The following CSMD2 variants were observed in gnomAD, a reference collection of about 807,000 sequenced individuals.
The protein encoded by CSMD2 is CUB and Sushi multiple domains 2.
In CSMD2, 130 loss-of-function variants were observed where a neutral mutation model predicts 398.5. The observed-to-expected ratio is 0.33, with a 90% CI of 0.28 to 0.38. The LOEUF is 0.38. Among genes scored for constraint, CSMD2 ranks in the 10% least tolerant of loss-of-function variants. CSMD2 has a pLI of 1.00. For missense variants in CSMD2, 3,829 were observed against 4,764.9 expected, an observed-to-expected ratio of 0.80 and a Z score of 5.78; for synonymous variants, 1,828 against 1,908.5, an observed-to-expected ratio of 0.96 and a Z score of 1.10.
intron 13 of CSMD2, among the ~76,000 whole-genome samples, chr1:33,762,052 T>A (rs1649881238): frequency 6.6e-6 from 1 of 152,202 alleles, no homozygotes; most frequent in South Asian, 2.1e-4. Flanking sequence ...CCCAAGGCCC[T>A]CTTAGAAAGC....
intron 6 of CSMD2, among the ~76,000 whole-genome samples, chr1:33,834,292 C>T (rs1168097692): frequency 1.4e-5 from 1 of 69,394 alleles, no homozygotes. Context: ...GGTACTGGTA[C>T]CAAAACAGAG....
At chr1:33,652,527 C>T (rs1643816932) in intron 27 of CSMD2, 66 bp from the exon 28 acceptor site, 2 of 1,577,544 alleles carry the variant, frequency 1.3e-6, no homozygotes, top group Admixed American at 3.4e-5. Context: ...ATGGGTGTTG[C>T]TAATGCACTA....
At chr1:33,652,517 A>T in intron 27 of CSMD2, 56 bp from the exon 28 acceptor site, 2 of 1,598,660 alleles carry the variant, frequency 1.3e-6, no homozygotes, top group Non-Finnish European at 1.7e-6. Context: ...GCTCATTTTC[A>T]TGGGTGTTGC....
intron 15 of CSMD2, 74 bp from the exon 16 acceptor site, chr1:33,726,759 A>C (rs1446562521): frequency 8.2e-6 from 12 of 1,462,878 alleles, no homozygotes; most frequent in South Asian, 1.3e-5. Context: ...TCTCTCTATA[A>C]AATGTGTCAG....
intron 54 of CSMD2, among the ~76,000 whole-genome samples, chr1:33,558,762 CTG>C (rs759676367): frequency 1.3e-5 from 2 of 152,178 alleles, no homozygotes; most frequent in Non-Finnish European, 2.9e-5. Context: ...GGCTTCCTCT[CTG>C]TGTGTTTTCC....
intron 27 of CSMD2, among the ~76,000 whole-genome samples, chr1:33,657,341 G>A (rs1571114682): frequency 6.6e-6 from 1 of 152,166 alleles, no homozygotes; most frequent in East Asian, 1.9e-4. Context: ...GGGTGTGGTG[G>A]CACAGGCCTG....
At chr1:33,668,378 GC>G (rs1644383034) in intron 25 of CSMD2, among the ~76,000 whole-genome samples, 1 of 152,206 alleles carries the variant, frequency 6.6e-6, no homozygotes, top group African/African-American at 2.4e-5. Context: ...AAGAGTGGAT[GC>G]AGGGAAATTA....
At chr1:33,952,703 TGCACACACACAA>T (rs1323736769) in intron 3 of CSMD2, among the ~76,000 whole-genome samples, 2 of 136,264 alleles carry the variant, frequency 1.5e-5, no homozygotes, top group Non-Finnish European at 1.5e-5. Context: ...CACACACACA[TGCACACACACAA>T]ACATTTAAGC....
chr1:33,566,020 G>A (rs1386340745), intron 53 of CSMD2, among the ~76,000 whole-genome samples: 1 of 151,554 alleles, frequency 6.6e-6, no homozygotes, highest in Non-Finnish European at 1.5e-5. Flanking sequence ...AGATAAAGAG[G>A]TGAAAATAAT....
chr1:33,891,905 G>C (rs1320171906), intron 5 of CSMD2, among the ~76,000 whole-genome samples: 2 of 103,062 alleles, frequency 1.9e-5, no homozygotes, highest in African/African-American at 3.7e-5. Flanking sequence ...GTTGTGGGGT[G>C]GGGGGAGGGG....
At chr1:34,085,412 A>AATAT (rs1558359230) in intron 2 of CSMD2, among the ~76,000 whole-genome samples, 25 of 151,880 alleles carry the variant, frequency 1.6e-4, no homozygotes, top group African/African-American at 5.8e-4. Flanking sequence ...TAAATAAATA[A>AATAT]ATTGTACCCT....
chr1:33,949,153 T>G (rs921060761), intron 3 of CSMD2, among the ~76,000 whole-genome samples: 2 of 152,204 alleles, frequency 1.3e-5, no homozygotes, highest in African/African-American at 4.8e-5. Context: ...GCACCCAGCT[T>G]AGAGAGCTGT....
chr1:33,955,982 C>T (rs1645155731), intron 3 of CSMD2, among the ~76,000 whole-genome samples: 1 of 152,042 alleles, frequency 6.6e-6, no homozygotes, highest in African/African-American at 2.4e-5. Context: ...GAGCTCACAT[C>T]AAGGCTGGGG....
rs1354571214 is a variant in CSMD2 at position 33,537,821 on chromosome 1, A to G, written c.9632-212T>C. On this transcript the variant is annotated intron_variant, in intron 60 of 70. Coordinates refer to ENST00000373381, the MANE Select transcript of CSMD2 (RefSeq NM_001281956.2). The surrounding 1 kb of genome is among the most constrained non-coding windows in gnomAD (Gnocchi z 4.6). ...CCCTTCTACATTCAAAGTGCCTATT[A>G]ATAATGATCCAAGTAATGGAGTAAC... is the stretch of plus-strand genomic sequence containing the variant. Among the ~76,000 whole-genome samples, 3 of 152,240 alleles carry G rather than the reference A, an allele frequency of 2.0e-5. No individual in the cohort carries two copies.
intron 1 of CSMD2, among the ~76,000 whole-genome samples, chr1:34,133,614 G>A (rs949526984): frequency 2.6e-5 from 4 of 151,864 alleles, no homozygotes; most frequent in African/African-American, 9.7e-5. Flanking sequence ...TTGGGTGATA[G>A]AGCAAGACTC....
chr1:33,801,642 T>C (rs1278977253), intron 10 of CSMD2, among the ~76,000 whole-genome samples: 3 of 152,186 alleles, frequency 2.0e-5, no homozygotes. Context: ...GGGAAATAGA[T>C]TCTAAATGCA....
At chr1:33,829,588 A>G (rs1659246272) in intron 6 of CSMD2, among the ~76,000 whole-genome samples, 1 of 152,170 alleles carries the variant, frequency 6.6e-6, no homozygotes, top group Non-Finnish European at 1.5e-5. Flanking sequence ...GACGCAGAAG[A>G]AGGGTGATTT....
chr1:33,831,656 TAAC>T (rs1464028200), intron 6 of CSMD2, among the ~76,000 whole-genome samples: 1 of 151,752 alleles, frequency 6.6e-6, no homozygotes, highest in Non-Finnish European at 1.5e-5. Context: ...AATTCACACA[TAAC>T]AATATTAACC....
intron 2 of CSMD2, among the ~76,000 whole-genome samples, chr1:34,063,901 A>G (rs1233044598): frequency 1.3e-5 from 2 of 152,244 alleles, no homozygotes; most frequent in Non-Finnish European, 2.9e-5. Flanking sequence ...CCAAACCTCA[A>G]TTCTTGACTT....
Sources: gnomAD v4.1 joint callset for allele counts (sites outside exome capture counted in the v4.1 genomes callset) on GRCh38, gnomAD v4.1.1 for gene constraint, Gnocchi (gnomAD v3.1) non-coding constraint, MANE v1.5 for transcripts, NCBI Gene and HGNC (gene_info 2026-07-23, HGNC 2026-07-21) for gene names.